CLSTN3: variants seen among roughly 807,000 people sequenced by gnomAD.
CLSTN3 encodes calsyntenin 3.
CLSTN3 carries 36 observed loss-of-function variants against 95.9 expected under a neutral mutation model. The observed-to-expected ratio is 0.38, with a 90% confidence interval of 0.29 to 0.50. CLSTN3 has a LOEUF of 0.50. CLSTN3 is among the 20% of genes least tolerant of loss of function. The pLI, the probability that CLSTN3 is intolerant of heterozygous loss-of-function variation, is 0.95. For synonymous variants in CLSTN3, 481 were observed against 504.0 expected (o/e 0.95, Z 0.61); for missense variants, 1,084 against 1,268.8 (o/e 0.85, Z 2.21).
At position 7,149,999 on chromosome 12, in the gene CLSTN3, C is replaced by T. The variant is rs183115988; in HGVS notation, c.2245+306C>T. Reference sequence around the variant, plus strand: ...CCTCCTTCGGCTCATCTCTGCCCAGCTTTCTAACCCTCTAGCTGTCTGTTT... The same window carrying T: ...CCTCCTTCGGCTCATCTCTGCCCAGTTTTCTAACCCTCTAGCTGTCTGTTT... On this transcript the variant is annotated intron_variant, in intron 14 of 17. Transcript: ENST00000266546. This position sits in a 1 kb window ranked among gnomAD's most constrained non-coding sequence, Gnocchi z 4.5. 4.7e-4 allele frequency among the ~76,000 whole-genome samples: 71 copies of T among 152,322 alleles called. 1 individual carries two copies. Among genetic ancestry groups the T allele is most frequent in the African/African-American group, 1.6e-3 (65 of 41,576 alleles).
At position 7,141,978 on chromosome 12, in the gene CLSTN3, G is replaced by A. The variant is rs1939533211; in HGVS notation, c.1487-108G>A. 3.6e-6 allele frequency: 3 copies of A among 826,090 alleles called. No homozygotes were observed. The highest frequency in any genetic ancestry group is 1.7e-5 in the African/African-American group (1 of 58,130). The allele number at this position is 826,090 out of a possible 1,614,324, so 51.2% of individuals were successfully genotyped here. A position where few individuals can be genotyped will look rare whatever the true frequency, so the allele number is the denominator to read the frequency against. Reference sequence around the variant, plus strand: ...TGGGCAGGGTCAGAATCCCATGTGGGCATGAGAGCACTCATGGGGATGAGA... The same window carrying A: ...TGGGCAGGGTCAGAATCCCATGTGGACATGAGAGCACTCATGGGGATGAGA... On this transcript the variant is annotated intron_variant, in intron 9 of 17. Transcript: ENST00000266546. The surrounding 1 kb of genome is among the most constrained non-coding windows in gnomAD (Gnocchi z 4.1).
In CLSTN3 at chr12:7,147,396, C is replaced by CAAAAAAAAAAA. The variant is rs56109046; in HGVS notation, c.1848-1557_1848-1547dup. 1.6e-4 allele frequency among the ~76,000 whole-genome samples: 8 copies of CAAAAAAAAAAA among 50,562 alleles called. 1 individual carries two copies. Among genetic ancestry groups the CAAAAAAAAAAA allele is most frequent in the African/African-American group, 7.2e-4 (8 of 11,100 alleles). 33.2% of individuals were successfully genotyped at this position (50,562 alleles called of 152,430 possible). The stretch of plus-strand genomic sequence containing the variant: ...CCTGGGCAACAGAGAGAGACTCTGC[C>CAAAAAAAAAAA]AAAAAAAAAAAAAAAAAAAAAAAAA... On this transcript the variant is annotated intron_variant, in intron 12 of 17. Coordinates refer to ENST00000266546, the MANE Select transcript of CLSTN3 (RefSeq NM_014718.4).
Position 7,137,875 on chromosome 12 carries a change from C to T in CLSTN3, c.1211-80C>T. ...ATGAGAGAGGATTAAGAGAATCCAACATCCTCTCCTTCCTGCTGCTTTGAA... is the reference window on the plus strand; with the variant it reads ...ATGAGAGAGGATTAAGAGAATCCAATATCCTCTCCTTCCTGCTGCTTTGAA... On this transcript the variant is annotated intron_variant, in intron 7 of 17. Coordinates refer to ENST00000266546, the MANE Select transcript of CLSTN3 (RefSeq NM_014718.4). This position sits in a 1 kb window ranked among gnomAD's most constrained non-coding sequence, Gnocchi z 4.4. The T allele has an allele frequency of 1.1e-6, 1 of 945,270 alleles. No homozygotes were observed. The highest frequency in any genetic ancestry group is 1.7e-6 in the Non-Finnish European group (1 of 605,240). The allele number at this position is 945,270 out of a possible 1,614,324, so 58.6% of individuals were successfully genotyped here. A position where few individuals can be genotyped will look rare whatever the true frequency, so the allele number is the denominator to read the frequency against.
In CLSTN3 at chr12:7,131,234, G is replaced by GA. The variant is rs1464869954; in HGVS notation, c.64+522_64+523insA. On this transcript the variant is annotated intron_variant, in intron 1 of 17. Transcript: ENST00000266546. ...CATTCAGACCCTTTTGCCTGCATCA[G>GA]CTGGGCTGTGGGTTACCAGAGCTGC... 6.8e-5 allele frequency: 15 copies of GA among 221,302 alleles called. No homozygotes were observed. The Admixed American group carries it at 7.3e-4, about 11-fold the overall frequency. 13.7% of individuals were successfully genotyped at this position (221,302 alleles called of 1,614,324 possible). A position where few individuals can be genotyped will look rare whatever the true frequency, so the allele number is the denominator to read the frequency against.
intron 12 of CLSTN3, among the ~76,000 whole-genome samples, chr12:7,147,573 C>A (rs112471050): frequency 0.094 from 14,066 of 149,946 alleles, 751 homozygotes; most frequent in South Asian, 0.22. Flanking sequence ...GTGCAGTGGC[C>A]TGATCTCATC....
intron 16 of CLSTN3, among the ~76,000 whole-genome samples, chr12:7,152,370 A>C (rs1939738487): frequency 6.6e-6 from 1 of 152,202 alleles, no homozygotes; most frequent in Admixed American, 6.5e-5. Context: ...TATTTTTTGG[A>C]CATAACTTGC....
chr12:7,139,296 C>T (rs2135801415), intron 8 of CLSTN3, among the ~76,000 whole-genome samples: 1 of 152,210 alleles, frequency 6.6e-6, no homozygotes, highest in South Asian at 2.1e-4. Flanking sequence ...ATTGGGTGCT[C>T]CTGGGGGACC....
chr12:7,148,519 C>A (rs751769168), intron 12 of CLSTN3, among the ~76,000 whole-genome samples: 9 of 152,238 alleles, frequency 5.9e-5, no homozygotes, highest in Non-Finnish European at 1.0e-4. Context: ...TAGATGTCCA[C>A]ATTCTACTTT....
chr12:7,143,767 G>A (rs547124923), intron 12 of CLSTN3, among the ~76,000 whole-genome samples: 5 of 152,188 alleles, frequency 3.3e-5, no homozygotes, highest in Admixed American at 6.5e-5. Context: ...TCTGGGGGTT[G>A]GCAGTCCTAG....
At chr12:7,155,995 C>G (rs1235704798) in intron 16 of CLSTN3, 4 of 346,556 alleles carry the variant, frequency 1.2e-5, no homozygotes, top group Non-Finnish European at 2.3e-5. Flanking sequence ...CTTCCCTACG[C>G]TCTGCTCTGT....
Position 7,151,079 on chromosome 12 carries a change from G to A in CLSTN3, c.2527+16G>A, listed in dbSNP as rs1221138487. 6.4e-7 allele frequency: 1 copy of A among 1,560,564 alleles called. No individual in the cohort carries two copies. Among genetic ancestry groups the A allele is most frequent in the East Asian group, 2.3e-5 (1 of 43,498 alleles). On this transcript the variant is annotated intron_variant, in intron 16 of 17. Coordinates refer to ENST00000266546, the MANE Select transcript of CLSTN3 (RefSeq NM_014718.4). ...AGAAACTCCAGTACGTAAGCCTGGT[G>A]GGGCTGGGCAGGGAGGGGCAGGTGG... is the stretch of plus-strand genomic sequence containing the variant.
At chr12:7,146,480 C>T (rs916412630) in intron 12 of CLSTN3, among the ~76,000 whole-genome samples, 1 of 152,116 alleles carries the variant, frequency 6.6e-6, no homozygotes, top group African/African-American at 2.4e-5. Flanking sequence ...TCTGGTGGTT[C>T]CTGCCTCATG....
chr12:7,155,104 C>A (rs962398697), intron 16 of CLSTN3, among the ~76,000 whole-genome samples: 1 of 152,232 alleles, frequency 6.6e-6, no homozygotes, highest in African/African-American at 2.4e-5. Flanking sequence ...GGGCTTTCCA[C>A]TGTCCTCGCA....
At position 7,150,834 on chromosome 12, in the gene CLSTN3, T is replaced by C; in HGVS notation, c.2392-94T>C. 1.3e-6 allele frequency: 2 copies of C among 1,545,302 alleles called. No homozygotes were observed. Among genetic ancestry groups the C allele is most frequent in the Non-Finnish European group, 1.8e-6 (2 of 1,137,976 alleles). On this transcript the variant is annotated intron_variant, in intron 15 of 17. Transcript: ENST00000266546. This position sits in a 1 kb window ranked among gnomAD's most constrained non-coding sequence, Gnocchi z 4.0. Reference sequence around the variant, plus strand: ...TTGCAGTGGGTGGAGGAGAAGGAGATGGGGGCAGTAGTTAGGAGATGGGGC... The same window carrying C: ...TTGCAGTGGGTGGAGGAGAAGGAGACGGGGGCAGTAGTTAGGAGATGGGGC...
At chr12:7,132,870 T>C (rs185570781) in intron 1 of CLSTN3, 154 bp from the exon 2 acceptor site, 157 of 945,650 alleles carry the variant, frequency 1.7e-4, no homozygotes, top group Non-Finnish European at 2.1e-4. Context: ...GCTGATTTCT[T>C]GTCCTCAACC....
intron 16 of CLSTN3, among the ~76,000 whole-genome samples, chr12:7,151,537 T>C (rs757496901): frequency 6.6e-5 from 10 of 152,352 alleles, no homozygotes; most frequent in Admixed American, 2.0e-4. Context: ...TGTAAAATTA[T>C]GTGCTACGTA....
At position 7,150,222 on chromosome 12, in the gene CLSTN3, T is replaced by C. The variant is rs926626054; in HGVS notation, c.2246-322T>C. Among the ~76,000 whole-genome samples, 2 of 152,236 alleles carry C rather than the reference T, an allele frequency of 1.3e-5. No individual in the cohort carries two copies. The highest frequency in any genetic ancestry group is 2.9e-5 in the Non-Finnish European group (2 of 68,036). On this transcript the variant is annotated intron_variant, in intron 14 of 17. Coordinates refer to ENST00000266546, the MANE Select transcript of CLSTN3 (RefSeq NM_014718.4). This position sits in a 1 kb window ranked among gnomAD's most constrained non-coding sequence, Gnocchi z 4.0. ...CTTTCCAGGGCTCACTGAGGACTTC[T>C]GTATTTTCCTCTTTCTCATATTCCC...
At chr12:7,151,295 T>C (rs1939720310) in intron 16 of CLSTN3, 2 of 470,258 alleles carry the variant, frequency 4.3e-6, no homozygotes, top group Middle Eastern at 5.4e-4. Flanking sequence ...GGGATGCTTA[T>C]GCCTGCAGTC....
chr12:7,142,149 G>A lies in CLSTN3; in HGVS notation c.1540+10G>A. On this transcript the variant is annotated intron_variant, in intron 10 of 17. Coordinates refer to ENST00000266546, the MANE Select transcript of CLSTN3 (RefSeq NM_014718.4). ...ACAGACACCACCCAAGGTACTCCGT[G>A]TGTAAGAACTGGAGACCAGAGAGTT... 1.2e-6 allele frequency: 2 copies of A among 1,603,368 alleles called. No individual in the cohort carries two copies. The highest frequency in any genetic ancestry group is 2.2e-5 in the South Asian group (2 of 90,540).
Sources: gnomAD v4.1 joint callset for allele counts (sites outside exome capture counted in the v4.1 genomes callset) on GRCh38, gnomAD v4.1.1 for gene constraint, Gnocchi (gnomAD v3.1) non-coding constraint, MANE v1.5 for transcripts, NCBI Gene and HGNC (gene_info 2026-07-23, HGNC 2026-07-21) for gene names.